Variants in FARP1 observed in about 807,000 individuals in gnomAD.
The protein encoded by FARP1 is FERM, ARHGEF and pleckstrin domain-containing protein 1.
In FARP1, 52 loss-of-function variants were observed where a neutral mutation model predicts 128.8. The ratio of observed to expected loss-of-function variants is 0.40; its 90% CI spans 0.32 to 0.51. FARP1 has a LOEUF of 0.51. Among genes scored for constraint, FARP1 ranks in the 20% least tolerant of loss-of-function variants. The pLI is 0.45. For missense variants in FARP1, 1,333 were observed against 1,367.9 expected, an observed-to-expected ratio of 0.97 and a Z score of 0.40; for synonymous variants, 580 against 551.8, an observed-to-expected ratio of 1.05 and a Z score of -0.72.
At chr13:98,352,736 A>T (rs1888487299) in intron 3 of FARP1, among the ~76,000 whole-genome samples, 1 of 152,242 alleles carries the variant, frequency 6.6e-6, no homozygotes, top group Non-Finnish European at 1.5e-5. Flanking sequence ...CAAAGGATTC[A>T]GGTGGATCCA....
intron 13 of FARP1, chr13:98,399,554 A>T (rs1385492665): frequency 6.6e-6 from 1 of 152,272 alleles, no homozygotes; most frequent in Non-Finnish European, 1.5e-5. Flanking sequence ...AGCAGATATT[A>T]CAGACTTCTG....
intron 3 of FARP1, among the ~76,000 whole-genome samples, chr13:98,350,455 T>C (rs1277353719): frequency 2.0e-5 from 3 of 152,220 alleles, no homozygotes; most frequent in Non-Finnish European, 4.4e-5. Context: ...GTGTGGCATG[T>C]GTGTCCTCGC....
intron 2 of FARP1, among the ~76,000 whole-genome samples, chr13:98,270,998 G>A (rs1192556792): frequency 6.6e-6 from 1 of 152,144 alleles, no homozygotes; most frequent in Non-Finnish European, 1.5e-5. Context: ...GATGTAAGAC[G>A]AGGCGAATTG....
intron 2 of FARP1, among the ~76,000 whole-genome samples, chr13:98,315,157 G>A (rs868050609): frequency 1.3e-5 from 2 of 152,144 alleles, no homozygotes; most frequent in African/African-American, 4.8e-5. Context: ...TTAAAACAGG[G>A]TCTTGCCCTG....
At chr13:98,267,211 A>G (rs1394802959) in intron 2 of FARP1, among the ~76,000 whole-genome samples, 4 of 152,146 alleles carry the variant, frequency 2.6e-5, no homozygotes, top group Admixed American at 6.5e-5. Flanking sequence ...ACCCTTTGAT[A>G]CCGTGGCAGC....
chr13:98,319,350 G>T (rs1391906060), intron 2 of FARP1, among the ~76,000 whole-genome samples: 1 of 152,192 alleles, frequency 6.6e-6, no homozygotes, highest in East Asian at 1.9e-4. Context: ...GCCAGGTGCA[G>T]TGGCTCACGC....
chr13:98,266,377 C>T (rs1413106860), intron 2 of FARP1, among the ~76,000 whole-genome samples: 4 of 152,180 alleles, frequency 2.6e-5, no homozygotes, highest in Non-Finnish European at 5.9e-5. Flanking sequence ...GGTTTGCTCT[C>T]TGGGCCTCTG....
At chr13:98,341,098 C>G (rs1219956189) in intron 2 of FARP1, 2 of 151,466 alleles carry the variant, frequency 1.3e-5, no homozygotes, top group Admixed American at 1.3e-4. Context: ...TGTGTATCTT[C>G]TGGATTGCAG....
rs1889765007 is a variant in FARP1 at position 98,379,135 on chromosome 13, TATATAATCTATATATAATATATATATA to T, written c.496+1223_496+1249del. On this transcript the variant is annotated intron_variant, in intron 6 of 26. Coordinates refer to ENST00000319562, the MANE Select transcript of FARP1 (RefSeq NM_005766.4). ...TAATCTATATATAATATATATATAA[TATATAATCTATATATAATATATATATA>T]ATATATAATCTATATATAATATATA... Among the ~76,000 whole-genome samples the T allele has an allele frequency of 5.2e-4, 49 of 94,428 alleles. 16 individuals carry two copies. In the South Asian group the frequency reaches 0.014, roughly 28 times the overall value. 61.9% of individuals were successfully genotyped at this position (94,428 alleles called of 152,430 possible). A position where few individuals can be genotyped will look rare whatever the true frequency, so the allele number is the denominator to read the frequency against.
intron 6 of FARP1, chr13:98,382,522 T>C (rs1417515947): frequency 6.6e-6 from 1 of 152,178 alleles, no homozygotes; most frequent in Non-Finnish European, 1.5e-5. Context: ...AGCCCAAACA[T>C]AAAGCTCACA....
At chr13:98,157,868 C>G (rs1876603347) in intron 1 of FARP1, among the ~76,000 whole-genome samples, 1 of 152,200 alleles carries the variant, frequency 6.6e-6, no homozygotes, top group Non-Finnish European at 1.5e-5. Context: ...AAGTGGTAAA[C>G]ATCGTCACAA....
chr13:98,311,726 A>G (rs1201947302), intron 2 of FARP1, among the ~76,000 whole-genome samples: 2 of 152,214 alleles, frequency 1.3e-5, no homozygotes, highest in East Asian at 3.8e-4. Context: ...AAATTCTCCT[A>G]GAGAGAACTC....
In FARP1 at chr13:98,385,697, G is replaced by C. The variant is rs201544902; in HGVS notation, c.642G>C (p.Gln214His). ...IGQTPAESDF[Q>H]LLEIARRLEM... ...AAACACCAGCAGAATCAGATTTCCA[G>C]CTCCTAGAGATTGCCCGTCGGCTAG... Residue 214 changes from glutamine to histidine, a missense_variant, in exon 8 of 27, where the codon CAG (glutamine) becomes CAC (histidine). Coordinates refer to ENST00000319562, the MANE Select transcript of FARP1 (RefSeq NM_005766.4). 1.2e-6 allele frequency: 2 copies of C among 1,614,206 alleles called. No individual in the cohort carries two copies. The highest frequency in any genetic ancestry group is 2.7e-5 in the African/African-American group (2 of 75,044).
At chr13:98,399,476 A>G (rs1890677745) in intron 13 of FARP1, 1 of 152,290 alleles carries the variant, frequency 6.6e-6, no homozygotes, top group Non-Finnish European at 1.5e-5. Flanking sequence ...TAACAAGGGC[A>G]TGCGTGTGCA....
chr13:98,399,835 A>C (rs1452983871), intron 13 of FARP1: 3 of 152,328 alleles, frequency 2.0e-5, no homozygotes, highest in African/African-American at 7.2e-5. Context: ...TGAATTTTAG[A>C]CCCTTTTGTG....
intron 2 of FARP1, among the ~76,000 whole-genome samples, chr13:98,239,226 A>G (rs1882620039): frequency 6.6e-6 from 1 of 152,210 alleles, no homozygotes; most frequent in Non-Finnish European, 1.5e-5. Flanking sequence ...GTGCCGGTTT[A>G]CGCAGCTGTC....
chr13:98,144,074 A>G (rs1030728558), intron 1 of FARP1, among the ~76,000 whole-genome samples: 3 of 151,782 alleles, frequency 2.0e-5, no homozygotes, highest in Non-Finnish European at 4.4e-5. Context: ...AGTTTTTTTT[A>G]TTTTTTATTT....
intron 1 of FARP1, among the ~76,000 whole-genome samples, chr13:98,190,871 A>G (rs763550464): frequency 2.2e-4 from 33 of 151,878 alleles, no homozygotes; most frequent in Non-Finnish European, 4.1e-4. Flanking sequence ...AAGTAGATCT[A>G]TGAGTGATCA....
At chr13:98,396,115 G>A (rs1033503383) in intron 13 of FARP1, 2 of 399,054 alleles carry the variant, frequency 5.0e-6, no homozygotes, top group African/African-American at 2.1e-5. Context: ...ATTTACCCCG[G>A]AGGCCATGGA....
Sources: allele counts gnomAD v4.1 joint callset (sites outside exome capture counted in the v4.1 genomes callset), GRCh38; gene constraint gnomAD v4.1.1; transcripts MANE v1.5; gene names NCBI Gene and HGNC (gene_info 2026-07-23, HGNC 2026-07-21).